KCNQ5: variants seen among roughly 807,000 people sequenced by gnomAD.
The protein encoded by KCNQ5 is potassium voltage-gated channel subfamily Q member 5.
A neutral mutation model predicts 98.2 loss-of-function variants in KCNQ5; 30 were observed. The ratio of observed to expected loss-of-function variants is 0.31; its 90% confidence interval spans 0.23 to 0.41. The LOEUF (loss-of-function observed/expected upper bound fraction) is 0.41. Among genes scored for constraint, KCNQ5 ranks in the 10% least tolerant of loss-of-function variants. KCNQ5 has a pLI of 1.00. For synonymous variants in KCNQ5, 458 were observed against 449.4 expected (o/e 1.02, Z -0.24); for missense variants, 835 against 1,182.5 (o/e 0.71, Z 4.31).
intron 3 of KCNQ5, among the ~76,000 whole-genome samples, chr6:73,069,582 C>T (rs927296493): frequency 2.0e-5 from 3 of 151,836 alleles, no homozygotes; most frequent in African/African-American, 7.3e-5. Flanking sequence ...ATAGAAGAGA[C>T]CAGCAAGTAA....
intron 1 of KCNQ5, among the ~76,000 whole-genome samples, chr6:72,698,917 C>T (rs1317112873): frequency 6.6e-6 from 1 of 151,972 alleles, no homozygotes; most frequent in Non-Finnish European, 1.5e-5. Context: ...CCTTGGCGTC[C>T]GACAGTGCTG....
intron 1 of KCNQ5, among the ~76,000 whole-genome samples, chr6:72,948,866 G>A (rs147062479): frequency 1.3e-5 from 2 of 152,234 alleles, no homozygotes; most frequent in African/African-American, 4.8e-5. Context: ...TAGGAGGGAA[G>A]CATATTTGTG....
At chr6:72,934,028 C>T (rs1765796365) in intron 1 of KCNQ5, among the ~76,000 whole-genome samples, 3 of 152,128 alleles carry the variant, frequency 2.0e-5, no homozygotes, top group Admixed American at 2.0e-4. Flanking sequence ...CTACTACACT[C>T]CAGCCTGGGC....
intron 1 of KCNQ5, among the ~76,000 whole-genome samples, chr6:72,852,659 A>ATG: frequency 7.7e-6 from 1 of 129,990 alleles, no homozygotes; most frequent in East Asian, 2.1e-4. Context: ...ATATATATAT[A>ATG]TAAATGGCAC....
intron 3 of KCNQ5, among the ~76,000 whole-genome samples, chr6:73,071,863 A>G (rs1218984963): frequency 6.6e-6 from 1 of 152,186 alleles, no homozygotes; most frequent in African/African-American, 2.4e-5. Flanking sequence ...AAACTATAGC[A>G]TAAGTAATTG....
intron 9 of KCNQ5, chr6:73,125,459 T>C (rs1775939652): frequency 1.9e-6 from 1 of 515,962 alleles, no homozygotes; most frequent in South Asian, 1.4e-5. Flanking sequence ...AAGAGATACA[T>C]TTTTTTTCCT....
intron 5 of KCNQ5, among the ~76,000 whole-genome samples, chr6:73,104,776 T>C (rs1774935328): frequency 6.6e-6 from 1 of 152,202 alleles, no homozygotes; most frequent in Admixed American, 6.5e-5. Context: ...GTGTGGCATG[T>C]TTCTCTTATT....
At chr6:72,843,850 T>C (rs1300920345) in intron 1 of KCNQ5, among the ~76,000 whole-genome samples, 2 of 152,150 alleles carry the variant, frequency 1.3e-5, no homozygotes, top group Non-Finnish European at 1.5e-5. Context: ...TGGAATACTA[T>C]GCAGCATAAA....
At chr6:72,988,425 G>A (rs796116083) in intron 1 of KCNQ5, among the ~76,000 whole-genome samples, 4 of 152,170 alleles carry the variant, frequency 2.6e-5, no homozygotes, top group African/African-American at 9.6e-5. Flanking sequence ...AATACCAGAT[G>A]TTCTTACTTA....
chr6:73,137,462 A>G (rs755307833), intron 10 of KCNQ5, among the ~76,000 whole-genome samples: 3 of 152,192 alleles, frequency 2.0e-5, no homozygotes, highest in Non-Finnish European at 2.9e-5. Flanking sequence ...TAACTGATAA[A>G]TTCTATAATA....
intron 1 of KCNQ5, among the ~76,000 whole-genome samples, chr6:72,836,348 G>T (rs1310815877): frequency 6.6e-6 from 1 of 152,134 alleles, no homozygotes; most frequent in African/African-American, 2.4e-5. Context: ...TGATGATTAT[G>T]TGACCCTCAG....
intron 1 of KCNQ5, among the ~76,000 whole-genome samples, chr6:72,929,306 GA>G (rs1399462615): frequency 1.3e-5 from 2 of 152,008 alleles, no homozygotes; most frequent in African/African-American, 4.8e-5. Flanking sequence ...TTAACCAACA[GA>G]AAAAAATTAA....
At chr6:73,087,963 C>G (rs1306048511) in intron 5 of KCNQ5, among the ~76,000 whole-genome samples, 1 of 151,920 alleles carries the variant, frequency 6.6e-6, no homozygotes, top group East Asian at 1.9e-4. Context: ...CTATCTCCAC[C>G]ATATTCAGTC....
intron 1 of KCNQ5, among the ~76,000 whole-genome samples, chr6:72,828,302 TGTA>T (rs1466259805): frequency 6.6e-6 from 1 of 152,184 alleles, no homozygotes; most frequent in Non-Finnish European, 1.5e-5. Context: ...GCATTGAATC[TGTA>T]GATTGCATTG....
At chr6:73,109,797 A>G (rs1775154135) in intron 6 of KCNQ5, among the ~76,000 whole-genome samples, 1 of 152,198 alleles carries the variant, frequency 6.6e-6, no homozygotes, top group Non-Finnish European at 1.5e-5. Flanking sequence ...CTATGATGTA[A>G]TTTCTAATTT....
chr6:73,049,438 G>T (rs983490224), intron 3 of KCNQ5, among the ~76,000 whole-genome samples: 1 of 152,106 alleles, frequency 6.6e-6, no homozygotes, highest in African/African-American at 2.4e-5. Context: ...TGGAAAAGTC[G>T]AGGCACTGTG....
At chr6:73,182,614 G>A (rs548906136) in intron 11 of KCNQ5, among the ~76,000 whole-genome samples, 14 of 152,234 alleles carry the variant, frequency 9.2e-5, no homozygotes, top group South Asian at 2.1e-4. Context: ...TTTTGAATTC[G>A]TAGTTGATAC....
At chr6:72,944,143 A>G (rs1293995216) in intron 1 of KCNQ5, among the ~76,000 whole-genome samples, 3 of 152,200 alleles carry the variant, frequency 2.0e-5, no homozygotes, top group Non-Finnish European at 4.4e-5. Flanking sequence ...CACTTAGATC[A>G]TTGCATGGTT....
chr6:72,698,396 T>G (rs1230223291), intron 1 of KCNQ5, among the ~76,000 whole-genome samples: 4 of 151,864 alleles, frequency 2.6e-5, no homozygotes, highest in African/African-American at 7.3e-5. Flanking sequence ...AGAGATGGGG[T>G]TTCTCCATAT....
Sources: gnomAD v4.1 joint callset for allele counts (sites outside exome capture counted in the v4.1 genomes callset) on GRCh38, gnomAD v4.1.1 for gene constraint, MANE v1.5 for transcripts, NCBI Gene and HGNC (gene_info 2026-07-23, HGNC 2026-07-21) for gene names.